Variants in AFF1 observed in about 807,000 individuals in gnomAD.
AFF1 encodes AF4/FMR2 family member 1.
AFF1 carries 48 observed loss-of-function variants against 121.7 expected under a neutral mutation model. That is an observed-to-expected ratio of 0.39 (90% CI 0.31 to 0.50). The LOEUF is 0.50. AFF1 is among the 20% of genes least tolerant of loss of function. AFF1 has a pLI of 0.76. For missense variants in AFF1, 1,523 were observed against 1,511.7 expected, an observed-to-expected ratio of 1.01 and a Z score of -0.12; for synonymous variants, 613 against 563.0, an observed-to-expected ratio of 1.09 and a Z score of -1.26.
intron 2 of AFF1, among the ~76,000 whole-genome samples, chr4:86,967,298 C>T (rs2869632): frequency 0.12 from 17,872 of 152,104 alleles, 1,332 homozygotes; most frequent in East Asian, 0.21. Context: ...AGGAACCATA[C>T]TTGTGAAGAC....
chr4:87,085,829 C>T (rs189396369), intron 5 of AFF1, among the ~76,000 whole-genome samples: 1 of 151,862 alleles, frequency 6.6e-6, no homozygotes, highest in Non-Finnish European at 1.5e-5. Context: ...ATCTCCACCT[C>T]CTGGGTTCAA....
rs1233683267 is a variant in AFF1 at position 87,046,909 on chromosome 4, C to T, written c.374C>T (p.Thr125Ile). Residue 125 changes from threonine (T) to isoleucine (I), a missense_variant, in exon 4 of 21, where the codon ACT (threonine) becomes ATT (isoleucine). This residue lies in a region of AFF1 where 369 missense variants were observed against 367.2 expected (regional missense o/e 1.00). Transcript: ENST00000395146. ...AGTGTCCACCACCAGTCCATTCACA[C>T]TCCTGCGTCTGGACCACTTTCTGTT... is the stretch of plus-strand genomic sequence containing the variant. The part of the protein sequence containing the change: ...HTSVHHQSIH[T>I]PASGPLSVGN... 4 of 1,614,116 alleles carry T rather than the reference C, an allele frequency of 2.5e-6. No homozygotes were observed. In the African/African-American group the frequency reaches 5.3e-5, roughly 22 times the overall value.
Position 87,115,111 on chromosome 4 carries a change from A to C in AFF1, c.2278A>C (p.Arg760=). The C allele has an allele frequency of 6.2e-7, 1 of 1,614,126 alleles. No homozygotes were observed. Residue 760 remains arginine (R), a synonymous_variant, in exon 12 of 21, where the codon AGG becomes CGG. Transcript: ENST00000395146. ...LRDTKLLSPL[R]DTPPPQSLMV... is the part of the protein sequence containing the mutation. ...AGACACCAAGCTGCTCTCACCGCTCAGGGACACTCCTCCCCCACAAAGCTT... is the reference window on the plus strand; with the variant it reads ...AGACACCAAGCTGCTCTCACCGCTCCGGGACACTCCTCCCCCACAAAGCTT...
chr4:87,016,807 T>C (rs1727345772), intron 2 of AFF1, among the ~76,000 whole-genome samples: 1 of 152,166 alleles, frequency 6.6e-6, no homozygotes. Flanking sequence ...GAATCATAAA[T>C]GGAGTATGAT....
chr4:86,995,983 C>T (rs1202983166), intron 2 of AFF1, among the ~76,000 whole-genome samples: 57 of 110,984 alleles, frequency 5.1e-4, no homozygotes, highest in South Asian at 2.0e-3. Flanking sequence ...AAGTGAGGAG[C>T]CCCTCCGCCC....
chr4:86,940,591 G>A (rs2149440611), intron 1 of AFF1, among the ~76,000 whole-genome samples: 1 of 152,040 alleles, frequency 6.6e-6, no homozygotes, highest in South Asian at 2.1e-4. Context: ...TAGAGACGGG[G>A]TTTCACCCAT....
intron 2 of AFF1, among the ~76,000 whole-genome samples, chr4:87,045,353 C>G (rs1378867445): frequency 6.6e-6 from 1 of 151,522 alleles, no homozygotes; most frequent in Non-Finnish European, 1.5e-5. Context: ...GGAAGTGACC[C>G]TTGGTGCTGA....
intron 2 of AFF1, among the ~76,000 whole-genome samples, chr4:86,973,569 G>T (rs1399258093): frequency 6.6e-6 from 1 of 152,102 alleles, no homozygotes; most frequent in Non-Finnish European, 1.5e-5. Flanking sequence ...GTAGCAACTT[G>T]TCTTTTTCCT....
chr4:87,069,271 CT>C (rs753186809), intron 4 of AFF1, among the ~76,000 whole-genome samples: 19 of 80,566 alleles, frequency 2.4e-4, no homozygotes, highest in East Asian at 8.2e-4. Context: ...TGTGTGGCCT[CT>C]TTTTTTTTTT....
At chr4:86,981,035 C>G (rs956981447) in intron 2 of AFF1, among the ~76,000 whole-genome samples, 1 of 144,484 alleles carries the variant, frequency 6.9e-6, no homozygotes, top group African/African-American at 2.5e-5. Context: ...TGTTTTGAGA[C>G]GGGGTCTCGC....
chr4:86,948,795 T>A lies in AFF1; in HGVS notation c.38+224T>A, dbSNP rs554123938. 5.3e-4 allele frequency among the ~76,000 whole-genome samples: 81 copies of A among 152,310 alleles called. No individual in the cohort carries two copies. In the East Asian group the frequency reaches 0.011, roughly 20 times the overall value. Reference sequence around the variant, plus strand: ...GCTGAGTCTGTTAACTCATTTTTTTTAAAAATGTGGATGTTAATTTAAATG... The same window carrying A: ...GCTGAGTCTGTTAACTCATTTTTTTAAAAAATGTGGATGTTAATTTAAATG... On this transcript the variant is annotated intron_variant, in intron 2 of 20. Transcript: ENST00000395146.
chr4:87,049,330 C>T (rs1036058976), intron 4 of AFF1, among the ~76,000 whole-genome samples: 7 of 151,546 alleles, frequency 4.6e-5, no homozygotes, highest in Non-Finnish European at 1.0e-4. Flanking sequence ...AGTTTTCTCT[C>T]TCTGGAACGA....
intron 2 of AFF1, among the ~76,000 whole-genome samples, chr4:86,964,659 C>G (rs887643600): frequency 9.9e-5 from 15 of 151,990 alleles, no homozygotes; most frequent in South Asian, 2.1e-4. Flanking sequence ...GTCTCGAACT[C>G]CCGAGCTCAG....
At chr4:87,006,241 T>G (rs1726108860) in intron 2 of AFF1, among the ~76,000 whole-genome samples, 1 of 152,150 alleles carries the variant, frequency 6.6e-6, no homozygotes, top group Non-Finnish European at 1.5e-5. Context: ...AGTCTTCAGC[T>G]CCTCCGGTGT....
intron 2 of AFF1, among the ~76,000 whole-genome samples, chr4:86,990,718 A>G (rs1016025938): frequency 2.6e-5 from 4 of 152,200 alleles, no homozygotes; most frequent in Non-Finnish European, 4.4e-5. Context: ...GGCTGCCCCA[A>G]ATGGTGTGTT....
chr4:87,010,386 G>C (rs776934268), intron 2 of AFF1, among the ~76,000 whole-genome samples: 17 of 152,316 alleles, frequency 1.1e-4, no homozygotes, highest in Non-Finnish European at 2.1e-4. Context: ...CGGATTGTAT[G>C]CTGTGTCTGG....
chr4:87,035,577 T>A (rs997664631), intron 2 of AFF1, among the ~76,000 whole-genome samples: 76 of 141,510 alleles, frequency 5.4e-4, no homozygotes, highest in African/African-American at 1.8e-3. Context: ...AAAAAAAAAA[T>A]ACTCAGGAGC....
chr4:87,114,465 C>T lies in AFF1; in HGVS notation c.1632C>T (p.Pro544=), dbSNP rs1428068288. 8 of 1,613,656 alleles carry T rather than the reference C, an allele frequency of 5.0e-6. No homozygotes were observed. The highest frequency in any genetic ancestry group is 1.3e-5 in the African/African-American group (1 of 74,922). The part of the protein sequence containing the change: ...APPEGPRSTE[P]PRRHPESKGS... ...CAGAGGGCCCCAGGAGCACAGAGCC[C>T]CCACGGCGGCACCCAGAGAGTAAGG... Residue 544 remains proline, a synonymous_variant, in exon 12 of 21, where the codon CCC becomes CCT. Transcript: ENST00000395146.
chr4:87,032,720 G>C (rs960450255), intron 2 of AFF1, among the ~76,000 whole-genome samples: 4 of 152,176 alleles, frequency 2.6e-5, no homozygotes, highest in Non-Finnish European at 5.9e-5. Flanking sequence ...GAGGATCCTT[G>C]ACATTTAATT....
Sources: gnomAD v4.1 joint callset for allele counts (sites outside exome capture counted in the v4.1 genomes callset) on GRCh38, gnomAD v4.1.1 for gene constraint, gnomAD v4.1.1 regional missense constraint, MANE v1.5 for transcripts, NCBI Gene and HGNC (gene_info 2026-07-23, HGNC 2026-07-21) for gene names.